The following CFAP77 variants were observed in gnomAD, a reference collection of about 807,000 sequenced individuals.
CFAP77 encodes cilia and flagella associated protein 77.
A neutral mutation model predicts 31.1 loss-of-function variants in CFAP77; 25 were observed. That is an observed-to-expected ratio of 0.80 (90% confidence interval 0.59 to 1.12). The LOEUF (loss-of-function observed/expected upper bound fraction) is 1.12, where lower values mean the gene tolerates loss of function less well. Ranked by LOEUF, CFAP77 falls within the 50% of genes most tolerant of loss-of-function variation. CFAP77 has a pLI of 0.00. For synonymous variants in CFAP77, 151 were observed against 159.9 expected (o/e 0.94, Z 0.42); for missense variants, 377 against 397.3 (o/e 0.95, Z 0.44).
chr9:132,439,103 T>C (rs979951910), intron 1 of CFAP77, among the ~76,000 whole-genome samples: 1 of 152,074 alleles, frequency 6.6e-6, no homozygotes, highest in African/African-American at 2.4e-5. Context: ...CTCAAACTCC[T>C]GACCTCAGGT....
chr9:132,549,185 AC>A (rs1164863154), intron 5 of CFAP77, among the ~76,000 whole-genome samples: 1 of 152,128 alleles, frequency 6.6e-6, no homozygotes, highest in Non-Finnish European at 1.5e-5. Flanking sequence ...TAGCCTGTCC[AC>A]CCTGCCGCCT....
chr9:132,513,996 G>A (rs1852093264), intron 3 of CFAP77, among the ~76,000 whole-genome samples: 1 of 122,830 alleles, frequency 8.1e-6, no homozygotes, highest in Non-Finnish European at 1.8e-5. Flanking sequence ...ATGGGTGACA[G>A]TGAGATGACC....
chr9:132,496,502 C>T lies in CFAP77; in HGVS notation c.196-2193C>T, dbSNP rs114491803. ...CCATCACGGCTACAATCATTCCATC[C>T]GACCTGTCCCCAGCCCTGGCAACCA... On this transcript the variant is annotated intron_variant, in intron 1 of 5. Transcript: ENST00000393216. 3.3e-3 allele frequency among the ~76,000 whole-genome samples: 507 copies of T among 152,332 alleles called. 1 individual carries two copies. Among genetic ancestry groups the T allele is most frequent in the African/African-American group, 0.011 (470 of 41,576 alleles).
intron 1 of CFAP77, among the ~76,000 whole-genome samples, chr9:132,429,537 C>CAAAAAAA (rs762588728): frequency 7.6e-5 from 3 of 39,462 alleles, no homozygotes; most frequent in Admixed American, 3.5e-4. Context: ...GACTTCAACT[C>CAAAAAAA]AAAAAAAAAA....
At chr9:132,513,516 T>G (rs562864926) in intron 3 of CFAP77, 1 of 804,972 alleles carries the variant, frequency 1.2e-6, no homozygotes, top group African/African-American at 1.7e-5. Flanking sequence ...CCAGTTTTGC[T>G]CTGTCGTTAG....
intron 1 of CFAP77, among the ~76,000 whole-genome samples, chr9:132,440,821 G>T (rs2131702220): frequency 6.6e-6 from 1 of 152,236 alleles, no homozygotes; most frequent in Non-Finnish European, 1.5e-5. Flanking sequence ...GTAGACAATG[G>T]ATCTGAACCT....
intron 4 of CFAP77, 105 bp from the exon 5 acceptor site, chr9:132,542,841 C>A: frequency 1.2e-6 from 1 of 838,592 alleles, no homozygotes; most frequent in Non-Finnish European, 2.0e-6. Context: ...GACCGAGGAT[C>A]TTGCCACGCC....
chr9:132,473,845 G>A (rs973302247), intron 1 of CFAP77, among the ~76,000 whole-genome samples: 2 of 152,108 alleles, frequency 1.3e-5, no homozygotes, highest in Admixed American at 6.5e-5. Flanking sequence ...CACCACGCCC[G>A]GCTAATTTTG....
chr9:132,422,836 G>A (rs2131681833), intron 1 of CFAP77, among the ~76,000 whole-genome samples: 1 of 152,346 alleles, frequency 6.6e-6, no homozygotes, highest in African/African-American at 2.4e-5. Flanking sequence ...CCCAGTGGCA[G>A]CGTGCTGCGA....
chr9:132,460,166 G>A (rs1373572377), intron 1 of CFAP77, among the ~76,000 whole-genome samples: 2 of 152,158 alleles, frequency 1.3e-5, no homozygotes, highest in Non-Finnish European at 2.9e-5. Flanking sequence ...ATTTCCTGCT[G>A]TTGCTCTCTC....
chr9:132,458,716 C>T (rs1359327536), intron 1 of CFAP77, among the ~76,000 whole-genome samples: 1 of 101,586 alleles, frequency 9.8e-6, no homozygotes, highest in African/African-American at 4.1e-5. Context: ...ATAGCACTTG[C>T]GGCTGGCAGG....
intron 3 of CFAP77, among the ~76,000 whole-genome samples, chr9:132,505,409 G>A (rs370246658): frequency 2.0e-5 from 3 of 152,128 alleles, no homozygotes; most frequent in Admixed American, 2.0e-4. Context: ...TCACTAAATC[G>A]GAAGGGTGCA....
rs750312944 is a variant in CFAP77 at position 132,501,402 on chromosome 9, CTT to C, written c.524+1816_524+1817del. Among the ~76,000 whole-genome samples, 21 of 141,900 alleles carry C rather than the reference CTT, an allele frequency of 1.5e-4. No homozygotes were observed. Among genetic ancestry groups the C allele is most frequent in the Admixed American group, 3.5e-4 (5 of 14,210 alleles). The allele number at this position is 141,900 out of a possible 152,430, so 93.1% of individuals were successfully genotyped here. On this transcript the variant is annotated intron_variant, in intron 3 of 5. Coordinates refer to ENST00000393216, the MANE Select transcript of CFAP77 (RefSeq NM_001282957.2). The surrounding 1 kb of genome is among the most constrained non-coding windows in gnomAD (Gnocchi z 4.6). ...CCAGCTCAGGTTACATGACTATCTT[CTT>C]TTTTTTTTTTTTTGGACAGTGTCTC...
intron 3 of CFAP77, among the ~76,000 whole-genome samples, chr9:132,534,441 C>T (rs572671136): frequency 6.6e-6 from 1 of 151,886 alleles, no homozygotes; most frequent in East Asian, 1.9e-4. Flanking sequence ...TGAAACCCCA[C>T]CTCTACTAAA....
intron 1 of CFAP77, among the ~76,000 whole-genome samples, chr9:132,412,303 T>C (rs1388448173): frequency 6.6e-6 from 1 of 152,206 alleles, no homozygotes; most frequent in African/African-American, 2.4e-5. Flanking sequence ...TGATGGAGCC[T>C]GGGGTTCTCT....
Position 132,499,238 on chromosome 9 carries a change from A to C in CFAP77, c.296-134A>C. The C allele has an allele frequency of 1.4e-6, 1 of 737,990 alleles. No individual in the cohort carries two copies. The highest frequency in any genetic ancestry group is 1.8e-5 in the South Asian group (1 of 55,230). The allele number at this position is 737,990 out of a possible 1,614,324, so 45.7% of individuals were successfully genotyped here. On this transcript the variant is annotated intron_variant, in intron 2 of 5. Coordinates refer to ENST00000393216, the MANE Select transcript of CFAP77 (RefSeq NM_001282957.2). The surrounding 1 kb of genome is among the most constrained non-coding windows in gnomAD (Gnocchi z 5.4). ...CCATCATGCTTTCTGGGGGCCAGGC[A>C]GGGTTGTCACCCAGTAGGCTCAGGT...
chr9:132,536,391 C>CTTT lies in CFAP77; in HGVS notation c.525-1193_525-1191dup, dbSNP rs35488775. Among the ~76,000 whole-genome samples the CTTT allele has an allele frequency of 8.9e-4, 109 of 122,308 alleles. 3 individuals carry two copies. The highest frequency in any genetic ancestry group is 1.5e-3 in the Non-Finnish European group (90 of 59,024). 80.2% of individuals were successfully genotyped at this position (122,308 alleles called of 152,430 possible). A position where few individuals can be genotyped will look rare whatever the true frequency, so the allele number is the denominator to read the frequency against. On this transcript the variant is annotated intron_variant, in intron 3 of 5. Coordinates refer to ENST00000393216, the MANE Select transcript of CFAP77 (RefSeq NM_001282957.2). ...CTGCTGCAGATTGTGGCTCATAGTT[C>CTTT]TTTTTTTTTTTTTTTTTTTGGAGAC... is the stretch of plus-strand genomic sequence containing the variant.
intron 1 of CFAP77, among the ~76,000 whole-genome samples, chr9:132,454,500 A>G (rs1209327377): frequency 6.6e-6 from 1 of 152,140 alleles, no homozygotes; most frequent in African/African-American, 2.4e-5. Context: ...TTCCATTTGC[A>G]AGTAAAGGGA....
At chr9:132,522,833 T>C (rs2119022190) in intron 3 of CFAP77, among the ~76,000 whole-genome samples, 1 of 152,306 alleles carries the variant, frequency 6.6e-6, no homozygotes, top group South Asian at 2.1e-4. Context: ...GACCTGTGCA[T>C]GGTAGGCGGA....
Sources: gnomAD v4.1 joint callset for allele counts (sites outside exome capture counted in the v4.1 genomes callset) on GRCh38, gnomAD v4.1.1 for gene constraint, Gnocchi (gnomAD v3.1) non-coding constraint, MANE v1.5 for transcripts, NCBI Gene and HGNC (gene_info 2026-07-23, HGNC 2026-07-21) for gene names.